Variants in PRKG1 observed in about 807,000 individuals in gnomAD.
The protein encoded by PRKG1 is protein kinase cGMP-dependent 1, also known as cGMP-dependent protein kinase 1.
A neutral mutation model predicts 88.1 loss-of-function variants in PRKG1; 35 were observed. The ratio of observed to expected loss-of-function variants is 0.40; its 90% confidence interval spans 0.30 to 0.53. The LOEUF (loss-of-function observed/expected upper bound fraction) is 0.53, where lower values mean the gene tolerates loss of function less well. Ranked by LOEUF, PRKG1 falls within the 20% of genes least tolerant of loss-of-function variation. PRKG1 has a pLI of 0.59. For missense variants in PRKG1, 540 were observed against 839.8 expected (o/e 0.64, Z 4.41); for synonymous variants, 303 against 292.5 (o/e 1.04, Z -0.37).
intron 2 of PRKG1, among the ~76,000 whole-genome samples, chr10:51,350,138 T>G (rs536696620): frequency 1.1e-4 from 16 of 152,204 alleles, no homozygotes; most frequent in Non-Finnish European, 2.1e-4. Flanking sequence ...ATTCATATAG[T>G]AGAGTTATGG....
chr10:51,511,038 C>T (rs892461383), intron 3 of PRKG1, among the ~76,000 whole-genome samples: 8 of 151,874 alleles, frequency 5.3e-5, no homozygotes, highest in South Asian at 2.1e-4. Flanking sequence ...AGGCGTGAGC[C>T]GCTGCGCCTG....
intron 3 of PRKG1, among the ~76,000 whole-genome samples, chr10:51,675,936 A>T (rs1265396808): frequency 1.3e-5 from 2 of 152,004 alleles, no homozygotes; most frequent in Admixed American, 6.6e-5. Context: ...GCCTGTCATC[A>T]TTTCAGGGAG....
intron 3 of PRKG1, among the ~76,000 whole-genome samples, chr10:51,573,610 A>C (rs1837811447): frequency 6.6e-6 from 1 of 151,868 alleles, no homozygotes; most frequent in Non-Finnish European, 1.5e-5. Context: ...TCCTTCCAAA[A>C]TCCAGTGCCT....
chr10:51,873,776 G>A (rs755910971), intron 4 of PRKG1, among the ~76,000 whole-genome samples: 2 of 152,008 alleles, frequency 1.3e-5, no homozygotes, highest in African/African-American at 2.4e-5. Flanking sequence ...TGATCCACTC[G>A]CCTCGGCCTC....
intron 4 of PRKG1, among the ~76,000 whole-genome samples, chr10:51,823,151 C>T (rs982100743): frequency 1.3e-5 from 2 of 152,018 alleles, no homozygotes; most frequent in Non-Finnish European, 1.5e-5. Flanking sequence ...AGATACAACA[C>T]ATATAAACAA....
At chr10:51,822,150 T>C (rs527494334) in intron 4 of PRKG1, among the ~76,000 whole-genome samples, 1 of 152,048 alleles carries the variant, frequency 6.6e-6, no homozygotes, top group Non-Finnish European at 1.5e-5. Context: ...GTCATATGTA[T>C]ATATGTATAT....
At chr10:51,694,145 G>GAGACTGACATTCTTTTGTGAGA (rs1203349163) in intron 3 of PRKG1, among the ~76,000 whole-genome samples, 4 of 152,170 alleles carry the variant, frequency 2.6e-5, no homozygotes, top group African/African-American at 9.7e-5. Context: ...AAAGCAGTGA[G>GAGACTGACATTCTTTTGTGAGA]AGACTGACAT....
intron 9 of PRKG1, among the ~76,000 whole-genome samples, chr10:52,242,800 G>A (rs1413099912): frequency 6.6e-6 from 1 of 151,982 alleles, no homozygotes; most frequent in Non-Finnish European, 1.5e-5. Context: ...GGAGGCTGAG[G>A]CAGGAGACTC....
intron 9 of PRKG1, among the ~76,000 whole-genome samples, chr10:52,218,080 C>T (rs1430731114): frequency 6.6e-6 from 1 of 151,444 alleles, no homozygotes; most frequent in East Asian, 1.9e-4. Flanking sequence ...GGCGTGGTGG[C>T]ACACGTCTGT....
chr10:51,104,466 A>AG (rs1844769010), intron 1 of PRKG1, among the ~76,000 whole-genome samples: 2 of 152,214 alleles, frequency 1.3e-5, no homozygotes, highest in Non-Finnish European at 1.5e-5. Flanking sequence ...TAAGACACTG[A>AG]GAGGAAGTGG....
chr10:51,585,105 T>G (rs557331277), intron 3 of PRKG1, among the ~76,000 whole-genome samples: 11 of 152,084 alleles, frequency 7.2e-5, no homozygotes, highest in Admixed American at 6.6e-4. Flanking sequence ...TTCATAAACT[T>G]AACATGAGAT....
At position 51,712,822 on chromosome 10, in the gene PRKG1, C is replaced by T. The variant is rs1021003922; in HGVS notation, c.593-91763C>T. On this transcript the variant is annotated intron_variant, in intron 3 of 17. Coordinates refer to ENST00000373980, the MANE Select transcript of PRKG1 (RefSeq NM_006258.4). ...GCCAGGATGGTCTCGATCTCCTGAC[C>T]TCATGATCCACCTGCCTCGAATTAT... Among the ~76,000 whole-genome samples, 8 of 151,954 alleles carry T rather than the reference C, an allele frequency of 5.3e-5. 1 individual carries two copies. The highest frequency in any genetic ancestry group is 6.6e-5 in the Admixed American group (1 of 15,262).
intron 7 of PRKG1, among the ~76,000 whole-genome samples, chr10:52,131,815 T>TG (rs1837268352): frequency 2.0e-4 from 1 of 5,050 alleles, no homozygotes; most frequent in Non-Finnish European, 7.7e-4. Context: ...CGAAACTCCA[T>TG]CAAAAAAAAA....
At chr10:51,031,862 C>G (rs574961691) in intron 1 of PRKG1, among the ~76,000 whole-genome samples, 1 of 152,246 alleles carries the variant, frequency 6.6e-6, no homozygotes, top group South Asian at 2.1e-4. Flanking sequence ...AAATTATGCA[C>G]TGTGAAACCT....
chr10:51,372,071 AT>A (rs758088369), intron 2 of PRKG1, among the ~76,000 whole-genome samples: 36 of 152,234 alleles, frequency 2.4e-4, no homozygotes, highest in South Asian at 4.2e-4. Flanking sequence ...TAGAAACATA[AT>A]AAAAAACATA....
intron 2 of PRKG1, among the ~76,000 whole-genome samples, chr10:51,328,439 C>T (rs184561460): frequency 2.8e-4 from 43 of 152,250 alleles, no homozygotes; most frequent in Non-Finnish European, 5.9e-4. Flanking sequence ...GCAATGAACA[C>T]GGAAGTGCAA....
chr10:51,499,606 A>C (rs560476649), intron 3 of PRKG1, among the ~76,000 whole-genome samples: 12 of 152,268 alleles, frequency 7.9e-5, no homozygotes, highest in Non-Finnish European at 1.5e-4. Context: ...TAAGCATATG[A>C]GTACAAACTA....
intron 5 of PRKG1, among the ~76,000 whole-genome samples, chr10:52,047,536 T>C (rs1845891015): frequency 6.6e-6 from 1 of 152,154 alleles, no homozygotes; most frequent in South Asian, 2.1e-4. Flanking sequence ...GGTGAGAATT[T>C]TATGCTGTTA....
chr10:51,376,762 C>T (rs1842825482), intron 2 of PRKG1, among the ~76,000 whole-genome samples: 1 of 152,124 alleles, frequency 6.6e-6, no homozygotes, highest in Non-Finnish European at 1.5e-5. Flanking sequence ...GCAACCTCCA[C>T]CTCCTGCGTT....
Sources: allele counts gnomAD v4.1 joint callset (sites outside exome capture counted in the v4.1 genomes callset), GRCh38; gene constraint gnomAD v4.1.1; transcripts MANE v1.5; gene names NCBI Gene and HGNC (gene_info 2026-07-23, HGNC 2026-07-21).